CTNNA3: variants seen among roughly 807,000 people sequenced by gnomAD.
CTNNA3 encodes the protein catenin alpha 3.
A neutral mutation model predicts 95.7 loss-of-function variants in CTNNA3; 76 were observed. That is an observed-to-expected ratio of 0.79 (90% CI 0.66 to 0.96). The LOEUF (loss-of-function observed/expected upper bound fraction) is 0.96. CTNNA3 is among the 40% of genes least tolerant of loss of function. CTNNA3 has a pLI of 0.00. For synonymous variants in CTNNA3, 431 were observed against 374.4 expected (o/e 1.15, Z -1.74); for missense variants, 1,191 against 1,089.8 (o/e 1.09, Z -1.31).
chr10:66,283,226 A>G (rs1261647568), intron 12 of CTNNA3, among the ~76,000 whole-genome samples: 1 of 151,936 alleles, frequency 6.6e-6, no homozygotes, highest in Middle Eastern at 3.4e-3. Flanking sequence ...GATATGCTCT[A>G]TTCACTCCAA....
intron 15 of CTNNA3, among the ~76,000 whole-genome samples, chr10:65,998,051 G>C (rs200299248): frequency 6.6e-6 from 1 of 152,144 alleles, no homozygotes; most frequent in African/African-American, 2.4e-5. Context: ...TAATAGTTGA[G>C]TATAATATAA....
chr10:67,566,886 T>C (rs139665778), intron 3 of CTNNA3, among the ~76,000 whole-genome samples: 17,993 of 150,098 alleles, frequency 0.12, 424 homozygotes, highest in African/African-American at 0.33. Context: ...ATGGATGAAA[T>C]TGGAAATCGT....
At chr10:66,709,354 G>T (rs1006881223) in intron 9 of CTNNA3, among the ~76,000 whole-genome samples, 1 of 151,948 alleles carries the variant, frequency 6.6e-6, no homozygotes, top group Non-Finnish European at 1.5e-5. Context: ...AACAAGTATT[G>T]ATTCAGTAGC....
intron 11 of CTNNA3, among the ~76,000 whole-genome samples, chr10:66,447,644 C>T (rs2093432493): frequency 6.6e-6 from 1 of 152,086 alleles, no homozygotes; most frequent in African/African-American, 2.4e-5. Flanking sequence ...AAAACTGGAT[C>T]CCTTCCTTAC....
At chr10:67,179,284 C>T (rs1862389608) in intron 7 of CTNNA3, among the ~76,000 whole-genome samples, 1 of 151,744 alleles carries the variant, frequency 6.6e-6, no homozygotes, top group Non-Finnish European at 1.5e-5. Flanking sequence ...TCTTCATAAT[C>T]AATATATAAT....
intron 10 of CTNNA3, among the ~76,000 whole-genome samples, chr10:66,612,459 C>T (rs536421195): frequency 8.5e-5 from 13 of 152,080 alleles, no homozygotes; most frequent in Non-Finnish European, 1.8e-4. Flanking sequence ...CTTACCTTTC[C>T]ACAGACTATG....
At chr10:67,197,842 T>G (rs1451613397) in intron 6 of CTNNA3, among the ~76,000 whole-genome samples, 1 of 152,180 alleles carries the variant, frequency 6.6e-6, no homozygotes, top group East Asian at 1.9e-4. Flanking sequence ...GTCACTGTGT[T>G]TAAAATTTTA....
In CTNNA3 at chr10:67,690,358, A is replaced by C. The variant is rs536727426; in HGVS notation, c.-6+5642T>G. Among the ~76,000 whole-genome samples the C allele has an allele frequency of 2.6e-5, 4 of 152,262 alleles. No individual in the cohort carries two copies. The South Asian group carries it at 8.3e-4, about 32-fold the overall frequency. The stretch of plus-strand genomic sequence containing the variant: ...GATTTATTATGAAGAGTGAAAGAAC[A>C]AAGCTTCCACAGTGTGGAAGGGGAC... On this transcript the variant is annotated intron_variant, in intron 1 of 17. Coordinates refer to ENST00000433211, the MANE Select transcript of CTNNA3 (RefSeq NM_013266.4).
chr10:66,251,207 C>T (rs1047234463), intron 13 of CTNNA3, among the ~76,000 whole-genome samples: 6 of 152,142 alleles, frequency 3.9e-5, no homozygotes, highest in African/African-American at 1.2e-4. Flanking sequence ...TGCCCTAAAA[C>T]ATTCATTTAT....
chr10:67,061,246 T>C (rs577617135), intron 7 of CTNNA3, among the ~76,000 whole-genome samples: 28 of 152,172 alleles, frequency 1.8e-4, no homozygotes, highest in Non-Finnish European at 2.8e-4. Flanking sequence ...GCATTTTACC[T>C]TTATTCTCCC....
At position 66,873,115 on chromosome 10, in the gene CTNNA3, AT is replaced by A. The variant is rs575871271; in HGVS notation, c.1048-97592del. On this transcript the variant is annotated intron_variant, in intron 7 of 17. Transcript: ENST00000433211. ...TCACCATGGATGCACACCTAGGTTG[AT>A]TTCATGTTTTTGCTATTGTGAATAG... Among the ~76,000 whole-genome samples, 35 of 152,298 alleles carry A rather than the reference AT, an allele frequency of 2.3e-4. No individual in the cohort carries two copies. In the South Asian group the frequency reaches 7.2e-3, roughly 32 times the overall value.
chr10:66,428,453 C>T (rs2093263456), intron 11 of CTNNA3, among the ~76,000 whole-genome samples: 1 of 152,154 alleles, frequency 6.6e-6, no homozygotes, highest in Non-Finnish European at 1.5e-5. Context: ...AATATACATT[C>T]TTTTCAGCAC....
chr10:66,122,648 T>C (rs931405319), intron 13 of CTNNA3, among the ~76,000 whole-genome samples: 8 of 152,216 alleles, frequency 5.3e-5, no homozygotes, highest in Non-Finnish European at 8.8e-5. Flanking sequence ...ATTTTCATAC[T>C]GCTGATAAAG....
intron 5 of CTNNA3, among the ~76,000 whole-genome samples, chr10:67,444,612 GT>G (rs1564654594): frequency 6.6e-6 from 1 of 151,982 alleles, no homozygotes; most frequent in South Asian, 2.1e-4. Flanking sequence ...TGAAAAGTTA[GT>G]TTTTTGAAAG....
At chr10:66,739,877 G>A (rs1056871509) in intron 9 of CTNNA3, among the ~76,000 whole-genome samples, 1 of 152,142 alleles carries the variant, frequency 6.6e-6, no homozygotes, top group African/African-American at 2.4e-5. Context: ...ATATATATCT[G>A]AGAGACTTGC....
chr10:66,375,481 T>C (rs1360078728), intron 12 of CTNNA3, among the ~76,000 whole-genome samples: 2 of 151,982 alleles, frequency 1.3e-5, no homozygotes, highest in African/African-American at 4.8e-5. Flanking sequence ...ACCTAGTATG[T>C]AGACTACTAA....
chr10:67,343,710 T>C (rs1842302235), intron 5 of CTNNA3, among the ~76,000 whole-genome samples: 2 of 151,842 alleles, frequency 1.3e-5, no homozygotes, highest in Admixed American at 6.6e-5. Context: ...CAAGCATAAT[T>C]TCACTTCTTC....
Position 66,747,560 on chromosome 10 carries a change from G to C in CTNNA3, c.1281+18704C>G, listed in dbSNP as rs570461986. 5.8e-4 allele frequency among the ~76,000 whole-genome samples: 87 copies of C among 151,124 alleles called. 1 individual carries two copies. The highest frequency in any genetic ancestry group is 1.2e-3 in the Non-Finnish European group (82 of 67,932). ...AAAACTGACCTATGCACGTCACTTA[G>C]CTACCTTCCAGTCATAACTCAGATC... is the stretch of plus-strand genomic sequence containing the variant. On this transcript the variant is annotated intron_variant, in intron 9 of 17. Transcript: ENST00000433211.
At position 66,458,984 on chromosome 10, in the gene CTNNA3, T is replaced by C. The variant is rs183653386; in HGVS notation, c.1531+61633A>G. On this transcript the variant is annotated intron_variant, in intron 11 of 17. Coordinates refer to ENST00000433211, the MANE Select transcript of CTNNA3 (RefSeq NM_013266.4). Reference sequence around the variant, plus strand: ...GGTCTGAACTGCATGAGTCCACTTATATGCAGATATTTTCAATAAAACTTA... The same window carrying C: ...GGTCTGAACTGCATGAGTCCACTTACATGCAGATATTTTCAATAAAACTTA... Among the ~76,000 whole-genome samples, 871 of 152,208 alleles carry C rather than the reference T, an allele frequency of 5.7e-3. 5 individuals carry two copies. Among genetic ancestry groups the C allele is most frequent in the Middle Eastern group, 0.02 (6 of 294 alleles).
Sources: gnomAD v4.1 joint callset for allele counts (sites outside exome capture counted in the v4.1 genomes callset) on GRCh38, gnomAD v4.1.1 for gene constraint, MANE v1.5 for transcripts, NCBI Gene and HGNC (gene_info 2026-07-23, HGNC 2026-07-21) for gene names.